SEPTIN7: variants seen among roughly 807,000 people sequenced by gnomAD.
SEPTIN7 encodes septin 7.
A neutral mutation model predicts 63.3 loss-of-function variants in SEPTIN7; 10 were observed. That is an observed-to-expected ratio of 0.16 (90% CI 0.10 to 0.27). SEPTIN7 has a LOEUF of 0.27. Among genes scored for constraint, SEPTIN7 ranks in the 10% least tolerant of loss-of-function variants. The pLI, the probability that SEPTIN7 is intolerant of heterozygous loss-of-function variation, is 1.00. For synonymous variants in SEPTIN7, 131 were observed against 165.3 expected, an observed-to-expected ratio of 0.79 and a Z score of 1.59; for missense variants, 310 against 521.0, an observed-to-expected ratio of 0.59 and a Z score of 3.94.
At chr7:35,818,990 T>G (rs930997551) in intron 1 of SEPTIN7, among the ~76,000 whole-genome samples, 2 of 152,090 alleles carry the variant, frequency 1.3e-5, no homozygotes, top group African/African-American at 4.8e-5. Flanking sequence ...TTTCCTTATT[T>G]TGTTTTCCCT....
intron 1 of SEPTIN7, among the ~76,000 whole-genome samples, chr7:35,804,827 C>CTTT (rs1295875115): frequency 3.6e-4 from 44 of 123,616 alleles, no homozygotes; most frequent in African/African-American, 7.0e-4. Context: ...AAGCGTGTTT[C>CTTT]TTTTTTTGTT....
Position 35,897,798 on chromosome 7 carries a change from A to C in SEPTIN7, c.999-450A>C, listed in dbSNP as rs558167537. Among the ~76,000 whole-genome samples the C allele has an allele frequency of 9.2e-5, 14 of 152,274 alleles. No homozygotes were observed. In the South Asian group the frequency reaches 2.5e-3, roughly 27 times the overall value. On this transcript the variant is annotated intron_variant, in intron 11 of 13. Coordinates refer to ENST00000350320, the MANE Select transcript of SEPTIN7 (RefSeq NM_001788.6). ...CAGTTCAGTTACCAAAATAAATAAT[A>C]ATTTTTGTGTTGTTAGTAGCTGTCT...
the SEPTIN7 span, among the ~76,000 whole-genome samples, chr7:35,913,087 A>G: frequency 6.0e-4 from 91 of 152,278 alleles, no homozygotes; most frequent in African/African-American, 2.0e-3. Context: ...TATTCAGTTA[A>G]CAATACCTAG....
At chr7:35,803,257 A>C in intron 1 of SEPTIN7, 1 of 429,770 alleles carries the variant, frequency 2.3e-6, no homozygotes, top group Non-Finnish European at 3.1e-6. Flanking sequence ...TTGGTTGTTC[A>C]GATTTGCACA....
intron 3 of SEPTIN7, chr7:35,838,548 TG>T (rs1193369035): frequency 6.6e-6 from 1 of 151,506 alleles, no homozygotes; most frequent in Non-Finnish European, 1.5e-5. Context: ...TTTTTGTTTT[TG>T]TATTTTTTTT....
intron 1 of SEPTIN7, among the ~76,000 whole-genome samples, chr7:35,807,351 ATTTTTTTTTTT>A (rs70974769): frequency 4.5e-5 from 1 of 22,188 alleles, no homozygotes; most frequent in Admixed American, 8.1e-4. Flanking sequence ...GCCCGGCTGA[ATTTTTTTTTTT>A]TTTTTTTTTT....
intron 1 of SEPTIN7, chr7:35,803,170 G>A (rs770494655): frequency 1.0e-6 from 1 of 963,912 alleles, no homozygotes; most frequent in African/African-American, 1.8e-5. Flanking sequence ...GCAGGCTTTG[G>A]TTTGGAGATA....
intron 1 of SEPTIN7, among the ~76,000 whole-genome samples, chr7:35,809,987 A>G (rs1295381955): frequency 6.6e-6 from 1 of 152,148 alleles, no homozygotes. Flanking sequence ...GTGAGTAATG[A>G]GTCCAGAATA....
At chr7:35,873,136 C>G (rs1786260800) in intron 5 of SEPTIN7, among the ~76,000 whole-genome samples, 1 of 151,978 alleles carries the variant, frequency 6.6e-6, no homozygotes. Context: ...TTTAGACTTT[C>G]AGTTTTTCTG....
At chr7:35,915,251 T>G in the SEPTIN7 span, among the ~76,000 whole-genome samples, 4 of 149,580 alleles carry the variant, frequency 2.7e-5, no homozygotes, top group African/African-American at 1.0e-4. Flanking sequence ...CACAGATCGC[T>G]CATACACATA....
chr7:35,881,700 A>T (rs1263885720), intron 7 of SEPTIN7, among the ~76,000 whole-genome samples: 1 of 151,830 alleles, frequency 6.6e-6, no homozygotes, highest in African/African-American at 2.4e-5. Flanking sequence ...CAGGGAAGCT[A>T]GGTTTAGGTA....
chr7:35,853,376 T>C (rs1043418638), intron 3 of SEPTIN7, among the ~76,000 whole-genome samples: 4 of 152,136 alleles, frequency 2.6e-5, no homozygotes, highest in African/African-American at 9.7e-5. Flanking sequence ...CAGTAAGCCA[T>C]GATTGTGCCT....
intron 3 of SEPTIN7, among the ~76,000 whole-genome samples, chr7:35,852,104 A>G (rs1003294226): frequency 6.6e-6 from 1 of 152,162 alleles, no homozygotes; most frequent in African/African-American, 2.4e-5. Context: ...AATAAAATAC[A>G]TTTCATTGCA....
chr7:35,906,352 T>C lies in SEPTIN7; in HGVS notation c.*2059T>C, dbSNP rs1471578754. The C allele has an allele frequency of 6.6e-6, 1 of 152,226 alleles. No homozygotes were observed. The highest frequency in any genetic ancestry group is 2.4e-5 in the African/African-American group (1 of 41,440). 9.4% of individuals were successfully genotyped at this position (152,226 alleles called of 1,614,324 possible). ...ATAACTTTACTAGGACTTTTGATTG[T>C]TGACTCCAGGCTTAGGTATATCAGA... On this transcript the variant is annotated 3_prime_UTR_variant, in exon 14 of 14. Transcript: ENST00000350320.
At chr7:35,807,415 G>C (rs1044512418) in intron 1 of SEPTIN7, among the ~76,000 whole-genome samples, 2 of 138,042 alleles carry the variant, frequency 1.4e-5, no homozygotes, top group Non-Finnish European at 3.0e-5. Flanking sequence ...AGGCTGGAGT[G>C]CAGTGGCGCG....
At chr7:35,830,113 A>T (rs1783756797) in intron 1 of SEPTIN7, among the ~76,000 whole-genome samples, 1 of 151,964 alleles carries the variant, frequency 6.6e-6, no homozygotes, top group Non-Finnish European at 1.5e-5. Flanking sequence ...TGAACCTCGG[A>T]AAGAGGTTGC....
the SEPTIN7 span, among the ~76,000 whole-genome samples, chr7:35,913,738 T>G: frequency 6.6e-6 from 1 of 152,088 alleles, no homozygotes; most frequent in Non-Finnish European, 1.5e-5. Flanking sequence ...TACAGATGCA[T>G]GCCACCATGC....
chr7:35,862,413 CATTT>C (rs923387267), intron 3 of SEPTIN7, among the ~76,000 whole-genome samples: 24 of 152,038 alleles, frequency 1.6e-4, no homozygotes, highest in Non-Finnish European at 2.4e-4. Context: ...CTAAAATTAT[CATTT>C]ATATTTCCAA....
chr7:35,913,805 G>A, the SEPTIN7 span, among the ~76,000 whole-genome samples: 49,832 of 151,912 alleles, frequency 0.33, 8,419 homozygotes, highest in East Asian at 0.49. Context: ...GCCTAGTCCA[G>A]TCTCAAACTC....
Sources: gnomAD v4.1 joint callset for allele counts (sites outside exome capture counted in the v4.1 genomes callset) on GRCh38, gnomAD v4.1.1 for gene constraint, MANE v1.5 for transcripts, NCBI Gene and HGNC (gene_info 2026-07-23, HGNC 2026-07-21) for gene names.